The following ITGA11 variants were observed in gnomAD, a reference collection of about 807,000 sequenced individuals.
ITGA11 encodes integrin alpha-11.
ITGA11 carries 97 observed loss-of-function variants against 141.9 expected under a neutral mutation model. That is an observed-to-expected ratio of 0.68 (90% CI 0.58 to 0.81). The LOEUF (loss-of-function observed/expected upper bound fraction) is 0.81. Ranked by LOEUF, ITGA11 falls within the 30% of genes least tolerant of loss-of-function variation. The probability of loss-of-function intolerance (pLI) is 0.00; values close to 1 mark genes in which losing one functional copy is unlikely to be tolerated. For missense variants in ITGA11, 1,387 were observed against 1,559.2 expected, an observed-to-expected ratio of 0.89 and a Z score of 1.86; for synonymous variants, 658 against 624.6, an observed-to-expected ratio of 1.05 and a Z score of -0.80.
chr15:68,322,704 T>TA lies in ITGA11; in HGVS notation c.2323-1202dup, dbSNP rs1324564614. Among the ~76,000 whole-genome samples, 1 of 151,752 alleles carries TA rather than the reference T, an allele frequency of 6.6e-6. No homozygotes were observed. The highest frequency in any genetic ancestry group is 1.5e-5 in the Non-Finnish European group (1 of 67,950). On this transcript the variant is annotated intron_variant, in intron 18 of 29. Transcript: ENST00000315757. This position sits in a 1 kb window ranked among gnomAD's most constrained non-coding sequence, Gnocchi z 5.6. ...CAACATGGTGAAACTTTGTCTCTGCTAAAAAATACAAAAATTAGCTGGGCG... is the reference window on the plus strand; with the variant it reads ...CAACATGGTGAAACTTTGTCTCTGCTAAAAAAATACAAAAATTAGCTGGGCG...
rs1894049532 is a variant in ITGA11, at chr15:68,328,373, AG to A, written c.1902-112del. ...CGAGTGGGATCTGCAAAGCCACTGG[AG>A]GGGGTGAGGTGGAGGATGGAGGGGG... On this transcript the variant is annotated intron_variant, in intron 15 of 29. Coordinates refer to ENST00000315757, the MANE Select transcript of ITGA11 (RefSeq NM_001004439.2). This position sits in a 1 kb window ranked among gnomAD's most constrained non-coding sequence, Gnocchi z 4.8. 1 of 441,878 alleles carries A rather than the reference AG, an allele frequency of 2.3e-6. No homozygotes were observed. Among genetic ancestry groups the A allele is most frequent in the African/African-American group, 3.5e-5 (1 of 28,950 alleles). 27.4% of individuals were successfully genotyped at this position (441,878 alleles called of 1,614,324 possible).
chr15:68,407,824 G>A (rs1244046195), intron 1 of ITGA11, among the ~76,000 whole-genome samples: 1 of 152,226 alleles, frequency 6.6e-6, no homozygotes, highest in Non-Finnish European at 1.5e-5. Flanking sequence ...AGTTCTCAAA[G>A]CCACTCCACT....
In ITGA11 at chr15:68,302,959, C is replaced by T. The variant is rs1893077902; in HGVS notation, c.*100G>A. 1 of 962,376 alleles carries T rather than the reference C, an allele frequency of 1.0e-6. No individual in the cohort carries two copies. Among genetic ancestry groups the T allele is most frequent in the Non-Finnish European group, 1.6e-6 (1 of 641,982 alleles). The allele number at this position is 962,376 out of a possible 1,614,324, so 59.6% of individuals were successfully genotyped here. ...TGAGGTCAAGTGCAAAGCCAGCTGG[C>T]TTCCTCTCCGCTCCAGCTCGGTGGG... On this transcript the variant is annotated 3_prime_UTR_variant, in exon 30 of 30. Transcript: ENST00000315757.
chr15:68,336,213 C>T (rs535716370), intron 11 of ITGA11: 1 of 225,404 alleles, frequency 4.4e-6, no homozygotes, highest in East Asian at 1.1e-4. Flanking sequence ...AGCCTCACTT[C>T]AGTTAATACT....
At chr15:68,424,494 A>G (rs926081447) in intron 1 of ITGA11, among the ~76,000 whole-genome samples, 41 of 152,070 alleles carry the variant, frequency 2.7e-4, no homozygotes, top group East Asian at 1.3e-3. Context: ...CTGGGCCCCA[A>G]TGTGGAGAGT....
At chr15:68,363,393 A>G (rs1465969989) in intron 4 of ITGA11, among the ~76,000 whole-genome samples, 1 of 152,174 alleles carries the variant, frequency 6.6e-6, no homozygotes, top group Admixed American at 6.5e-5. Flanking sequence ...ATGTGTGTGG[A>G]TAGGGCCAGG....
chr15:68,307,778 T>C lies in ITGA11; in HGVS notation c.3175-82A>G. 2.1e-6 allele frequency: 2 copies of C among 931,256 alleles called. No individual in the cohort carries two copies. The highest frequency in any genetic ancestry group is 2.9e-5 in the South Asian group (2 of 68,632). 57.7% of individuals were successfully genotyped at this position (931,256 alleles called of 1,614,324 possible). A position where few individuals can be genotyped will look rare whatever the true frequency, so the allele number is the denominator to read the frequency against. On this transcript the variant is annotated intron_variant, in intron 26 of 29. Coordinates refer to ENST00000315757, the MANE Select transcript of ITGA11 (RefSeq NM_001004439.2). The surrounding 1 kb of genome is among the most constrained non-coding windows in gnomAD (Gnocchi z 6.1). ...GCAACACTGCTTGAACGACTGGGGC[T>C]CTGCTCCTGGGGGCAGGGGCAGAGG... is the stretch of plus-strand genomic sequence containing the variant.
intron 1 of ITGA11, among the ~76,000 whole-genome samples, chr15:68,421,999 C>G (rs73433989): frequency 0.11 from 16,138 of 152,104 alleles, 2,333 homozygotes; most frequent in African/African-American, 0.33. Flanking sequence ...TGGCCTGGCC[C>G]TCTGGTTGGT....
At chr15:68,426,330 G>A (rs569044268) in intron 1 of ITGA11, among the ~76,000 whole-genome samples, 9 of 152,304 alleles carry the variant, frequency 5.9e-5, no homozygotes, top group East Asian at 3.9e-4. Context: ...GGGAGCAGGC[G>A]GGGCAGACAG....
intron 18 of ITGA11, among the ~76,000 whole-genome samples, chr15:68,323,293 T>A (rs1015306581): frequency 6.6e-6 from 1 of 152,164 alleles, no homozygotes; most frequent in Non-Finnish European, 1.5e-5. Context: ...GCACCAAAGT[T>A]CATCCTGGTG....
At chr15:68,379,200 G>A (rs1895800984) in intron 2 of ITGA11, among the ~76,000 whole-genome samples, 1 of 152,166 alleles carries the variant, frequency 6.6e-6, no homozygotes, top group Admixed American at 6.5e-5. Context: ...CTCTGCATGA[G>A]CAGTCTCCTC....
chr15:68,355,439 C>CT (rs1895040572), intron 7 of ITGA11, among the ~76,000 whole-genome samples: 2 of 148,428 alleles, frequency 1.3e-5, no homozygotes, highest in South Asian at 2.1e-4. Flanking sequence ...CTAAATAGTT[C>CT]TTTTTTTCTT....
chr15:68,381,981 A>G (rs1466189378), intron 2 of ITGA11, among the ~76,000 whole-genome samples: 2 of 152,196 alleles, frequency 1.3e-5, no homozygotes, highest in Non-Finnish European at 2.9e-5. Flanking sequence ...AGGTGGATGG[A>G]GTGCAGGAGC....
In ITGA11 at chr15:68,363,950, G is replaced by C. The variant is rs372331341; in HGVS notation, c.357+757C>G. On this transcript the variant is annotated intron_variant, in intron 4 of 29. Coordinates refer to ENST00000315757, the MANE Select transcript of ITGA11 (RefSeq NM_001004439.2). Reference sequence around the variant, plus strand: ...ATTAGACATTACTCGTTTGCTTGTCGCCTCTCTTTCCACCACAGTGTAAGC... The same window carrying C: ...ATTAGACATTACTCGTTTGCTTGTCCCCTCTCTTTCCACCACAGTGTAAGC... Among the ~76,000 whole-genome samples, 33 of 152,278 alleles carry C rather than the reference G, an allele frequency of 2.2e-4. 1 individual carries two copies. The highest frequency in any genetic ancestry group is 7.9e-4 in the African/African-American group (33 of 41,554).
intron 24 of ITGA11, 147 bp downstream of exon 24, chr15:68,312,626 G>A (rs1484045842): frequency 1.6e-6 from 1 of 611,086 alleles, no homozygotes; most frequent in Non-Finnish European, 2.9e-6. Flanking sequence ...GAGAGGAGAA[G>A]TGACTTGACT....
intron 9 of ITGA11, 40 bp from the exon 10 acceptor site, chr15:68,348,940 A>T (rs1894824144): frequency 6.5e-7 from 1 of 1,538,802 alleles, no homozygotes; most frequent in Non-Finnish European, 8.9e-7. Context: ...TCCATGCCCA[A>T]TCCCTTAGCG....
rs181561937 is a variant in ITGA11, at chr15:68,400,011, T to G, written c.164+2907A>C. The stretch of plus-strand genomic sequence containing the variant: ...TATAGAGAATTCACACTACCTGACT[T>G]CGAGACTTATTTTAAAGCTGCAGTA... On this transcript the variant is annotated intron_variant, in intron 2 of 29. Coordinates refer to ENST00000315757, the MANE Select transcript of ITGA11 (RefSeq NM_001004439.2). 1.7e-4 allele frequency among the ~76,000 whole-genome samples: 26 copies of G among 152,276 alleles called. No homozygotes were observed. In the East Asian group the frequency reaches 5.0e-3, roughly 29 times the overall value.
intron 18 of ITGA11, among the ~76,000 whole-genome samples, chr15:68,323,743 G>A (rs1339677790): frequency 6.6e-6 from 1 of 152,096 alleles, no homozygotes; most frequent in Non-Finnish European, 1.5e-5. Context: ...CGGAATAAAA[G>A]CCCATCCTCC....
At chr15:68,429,671 A>C (rs987448248) in intron 1 of ITGA11, among the ~76,000 whole-genome samples, 1 of 152,190 alleles carries the variant, frequency 6.6e-6, no homozygotes, top group African/African-American at 2.4e-5. Context: ...AGGTATCAAC[A>C]TCAGTCCTGT....
Sources: gnomAD v4.1 joint callset for allele counts (sites outside exome capture counted in the v4.1 genomes callset) on GRCh38, gnomAD v4.1.1 for gene constraint, Gnocchi (gnomAD v3.1) non-coding constraint, MANE v1.5 for transcripts, NCBI Gene and HGNC (gene_info 2026-07-23, HGNC 2026-07-21) for gene names.